Variants in UBE2E2 observed in about 807,000 individuals in gnomAD.
The protein encoded by UBE2E2 is ubiquitin-conjugating enzyme E2 E2.
A neutral mutation model predicts 24.7 loss-of-function variants in UBE2E2; 6 were observed. The observed-to-expected ratio is 0.24, with a 90% CI of 0.13 to 0.48. UBE2E2 has a LOEUF of 0.48. Among genes scored for constraint, UBE2E2 ranks in the 20% least tolerant of loss-of-function variants. The pLI is 0.99. For missense variants in UBE2E2, 169 were observed against 245.0 expected, an observed-to-expected ratio of 0.69 and a Z score of 2.07; for synonymous variants, 104 against 83.6, an observed-to-expected ratio of 1.24 and a Z score of -1.33.
chr3:23,326,736 T>C (rs779780972), intron 3 of UBE2E2, among the ~76,000 whole-genome samples: 49 of 152,214 alleles, frequency 3.2e-4, no homozygotes, highest in Admixed American at 1.3e-4. Context: ...AGGTTTGTTA[T>C]ATATGTGTAC....
At chr3:23,427,541 T>A (rs1400824329) in intron 3 of UBE2E2, among the ~76,000 whole-genome samples, 1 of 152,062 alleles carries the variant, frequency 6.6e-6, no homozygotes, top group Non-Finnish European at 1.5e-5. Flanking sequence ...TTGTAACAAA[T>A]CAATAGATAA....
chr3:23,312,817 T>C (rs891737909), intron 3 of UBE2E2, among the ~76,000 whole-genome samples: 1 of 152,144 alleles, frequency 6.6e-6, no homozygotes, highest in Non-Finnish European at 1.5e-5. Flanking sequence ...TTCAAGAAAG[T>C]TTTCAATTTT....
chr3:23,304,499 A>G (rs1559340982), intron 3 of UBE2E2, among the ~76,000 whole-genome samples: 1 of 152,188 alleles, frequency 6.6e-6, no homozygotes, highest in Admixed American at 6.6e-5. Context: ...AAAATCTTGA[A>G]AAGAGTGGCC....
intron 3 of UBE2E2, among the ~76,000 whole-genome samples, chr3:23,350,380 G>A (rs946001407): frequency 6.6e-6 from 1 of 152,226 alleles, no homozygotes; most frequent in African/African-American, 2.4e-5. Context: ...AACGAAGCTG[G>A]ACGGAGAATG....
chr3:23,401,388 T>G (rs1697218513), intron 3 of UBE2E2, among the ~76,000 whole-genome samples: 1 of 152,194 alleles, frequency 6.6e-6, no homozygotes, highest in African/African-American at 2.4e-5. Context: ...CTTACAATCT[T>G]TAATTCTCAC....
intron 3 of UBE2E2, among the ~76,000 whole-genome samples, chr3:23,374,453 A>T (rs571794998): frequency 6.6e-6 from 1 of 152,224 alleles, no homozygotes; most frequent in Admixed American, 6.6e-5. Flanking sequence ...CTAACCAACT[A>T]TTGCTAATAT....
intron 3 of UBE2E2, among the ~76,000 whole-genome samples, chr3:23,235,570 A>G (rs1219020965): frequency 6.6e-6 from 1 of 152,106 alleles, no homozygotes; most frequent in African/African-American, 2.4e-5. Context: ...GGAGGTGGGT[A>G]AAAGAGTAGA....
intron 3 of UBE2E2, among the ~76,000 whole-genome samples, chr3:23,496,542 T>C (rs183744069): frequency 1.4e-4 from 22 of 152,340 alleles, no homozygotes; most frequent in Admixed American, 1.3e-3. Context: ...AGTATCCTAC[T>C]GTATAGATTC....
chr3:23,503,391 A>C (rs928786646), intron 4 of UBE2E2, among the ~76,000 whole-genome samples: 3 of 151,360 alleles, frequency 2.0e-5, no homozygotes, highest in Non-Finnish European at 2.9e-5. Flanking sequence ...GGGTTTCGCC[A>C]TGTTGGCCAG....
intron 5 of UBE2E2, among the ~76,000 whole-genome samples, chr3:23,550,018 G>A (rs1474300312): frequency 6.8e-6 from 1 of 146,726 alleles, no homozygotes; most frequent in Non-Finnish European, 1.5e-5. Context: ...GGGTAACAGA[G>A]AGAGACTCCA....
At chr3:23,361,547 G>A (rs573260947) in intron 3 of UBE2E2, among the ~76,000 whole-genome samples, 1 of 152,288 alleles carries the variant, frequency 6.6e-6, no homozygotes, top group Non-Finnish European at 1.5e-5. Context: ...TGGAGCTGGT[G>A]GACATTATTC....
In UBE2E2 at chr3:23,272,169, G is replaced by T. The variant is rs186460078; in HGVS notation, c.227+54857G>T. 1.1e-4 allele frequency among the ~76,000 whole-genome samples: 16 copies of T among 152,258 alleles called. No individual in the cohort carries two copies. The East Asian group carries it at 2.3e-3, about 22-fold the overall frequency. ...GGCTGCAGGTCCCGAGCCCTGCCCC[G>T]CGGGGAGGTGGCTGAGGCCTGGCGA... On this transcript the variant is annotated intron_variant, in intron 3 of 5. Transcript: ENST00000396703.
chr3:23,461,708 G>A (rs960644977), intron 3 of UBE2E2, among the ~76,000 whole-genome samples: 1 of 151,804 alleles, frequency 6.6e-6, no homozygotes, highest in African/African-American at 2.4e-5. Flanking sequence ...TTTTCATAAG[G>A]TCTCTAAGAC....
intron 3 of UBE2E2, among the ~76,000 whole-genome samples, chr3:23,336,111 T>C (rs1695203002): frequency 6.6e-6 from 1 of 152,224 alleles, no homozygotes; most frequent in Non-Finnish European, 1.5e-5. Flanking sequence ...GGAACATTGT[T>C]TTAACATTTT....
intron 3 of UBE2E2, among the ~76,000 whole-genome samples, chr3:23,439,991 G>T (rs1421056644): frequency 6.6e-6 from 1 of 151,086 alleles, no homozygotes; most frequent in African/African-American, 2.4e-5. Context: ...AAAAAAAGAG[G>T]CTGGGCATTG....
At chr3:23,331,962 A>G (rs1695070163) in intron 3 of UBE2E2, among the ~76,000 whole-genome samples, 1 of 152,176 alleles carries the variant, frequency 6.6e-6, no homozygotes, top group African/African-American at 2.4e-5. Flanking sequence ...TTAAAAGATG[A>G]AGTTGGACTG....
chr3:23,466,897 A>G (rs1253900674), intron 3 of UBE2E2, among the ~76,000 whole-genome samples: 3 of 152,176 alleles, frequency 2.0e-5, no homozygotes, highest in Non-Finnish European at 4.4e-5. Flanking sequence ...TATTTTTCTT[A>G]TAATGACATA....
In UBE2E2 at chr3:23,457,606, C is replaced by T. The variant is rs148980747; in HGVS notation, c.228-42002C>T. On this transcript the variant is annotated intron_variant, in intron 3 of 5. Coordinates refer to ENST00000396703, the MANE Select transcript of UBE2E2 (RefSeq NM_152653.4). Reference sequence around the variant, plus strand: ...GTGGCGTGATCACAGCTCACTGCAGCCTCAACCTCCCAGGCTCAAGCTCCT... The same window carrying T: ...GTGGCGTGATCACAGCTCACTGCAGTCTCAACCTCCCAGGCTCAAGCTCCT... Among the ~76,000 whole-genome samples, 758 of 152,200 alleles carry T rather than the reference C, an allele frequency of 5.0e-3. 8 individuals carry two copies. Among genetic ancestry groups the T allele is most frequent in the African/African-American group, 0.017 (706 of 41,520 alleles).
At chr3:23,235,399 A>G (rs896896781) in intron 3 of UBE2E2, among the ~76,000 whole-genome samples, 2 of 152,112 alleles carry the variant, frequency 1.3e-5, no homozygotes, top group Admixed American at 6.6e-5. Context: ...GATAGCTCTG[A>G]TGTTCAGGGA....
Sources: gnomAD v4.1 joint callset for allele counts (sites outside exome capture counted in the v4.1 genomes callset) on GRCh38, gnomAD v4.1.1 for gene constraint, MANE v1.5 for transcripts, NCBI Gene and HGNC (gene_info 2026-07-23, HGNC 2026-07-21) for gene names.